The following SEMA3A variants were observed in gnomAD, a reference collection of about 807,000 sequenced individuals.
SEMA3A encodes semaphorin-3A.
In SEMA3A, 29 loss-of-function variants were observed where a neutral mutation model predicts 97.9. The observed-to-expected ratio is 0.30, with a 90% CI of 0.22 to 0.40. The LOEUF (loss-of-function observed/expected upper bound fraction) is 0.40, where lower values mean the gene tolerates loss of function less well. Ranked by LOEUF, SEMA3A falls within the 10% of genes least tolerant of loss-of-function variation. The pLI, the probability that SEMA3A is intolerant of heterozygous loss-of-function variation, is 1.00. For synonymous variants in SEMA3A, 321 were observed against 323.7 expected (o/e 0.99, Z 0.09); for missense variants, 763 against 951.3 (o/e 0.80, Z 2.60).
At chr7:84,336,457 G>A (rs1245483804) in intron 2 of SEMA3A, among the ~76,000 whole-genome samples, 4 of 152,118 alleles carry the variant, frequency 2.6e-5, no homozygotes, top group Non-Finnish European at 5.9e-5. Flanking sequence ...GCCTAAAATA[G>A]AGTATATACT....
chr7:83,986,316 G>C (rs1051749019), intron 12 of SEMA3A, among the ~76,000 whole-genome samples: 4 of 152,134 alleles, frequency 2.6e-5, no homozygotes, highest in African/African-American at 9.7e-5. Context: ...TCAGGTCTTT[G>C]CCAGAGAATA....
At chr7:84,081,368 G>C (rs1204925443) in intron 4 of SEMA3A, among the ~76,000 whole-genome samples, 5 of 151,988 alleles carry the variant, frequency 3.3e-5, no homozygotes, top group Non-Finnish European at 7.4e-5. Context: ...CAAGGAGGGC[G>C]GATCACGAGG....
chr7:84,472,339 G>A (rs988275205), intron 1 of SEMA3A, among the ~76,000 whole-genome samples: 9 of 152,168 alleles, frequency 5.9e-5, no homozygotes, highest in Non-Finnish European at 1.3e-4. Context: ...TGGGATGTGG[G>A]TTGGGACAAG....
intron 1 of SEMA3A, among the ~76,000 whole-genome samples, chr7:84,382,138 C>T (rs779995707): frequency 2.0e-5 from 3 of 152,024 alleles, no homozygotes; most frequent in Non-Finnish European, 2.9e-5. Context: ...GATGGAGTCT[C>T]GCTCTGTCGC....
At chr7:84,124,171 G>A (rs1415039025) in intron 3 of SEMA3A, among the ~76,000 whole-genome samples, 2 of 152,126 alleles carry the variant, frequency 1.3e-5, no homozygotes, top group East Asian at 3.9e-4. Flanking sequence ...CACTCTAAAA[G>A]TGCATAAGAT....
At chr7:84,392,072 T>C (rs1803595106) in intron 1 of SEMA3A, among the ~76,000 whole-genome samples, 1 of 152,158 alleles carries the variant, frequency 6.6e-6, no homozygotes, top group South Asian at 2.1e-4. Flanking sequence ...AACCTTTCCA[T>C]CACCCCAAAT....
At chr7:84,356,817 C>A (rs1802571775) in intron 2 of SEMA3A, among the ~76,000 whole-genome samples, 1 of 136,058 alleles carries the variant, frequency 7.3e-6, no homozygotes, top group African/African-American at 2.9e-5. Context: ...ACTATAAATA[C>A]AGAAAAAAAT....
chr7:84,084,789 TA>T (rs1191183319), intron 4 of SEMA3A, among the ~76,000 whole-genome samples: 1 of 152,122 alleles, frequency 6.6e-6, no homozygotes, highest in Non-Finnish European at 1.5e-5. Flanking sequence ...TTTGTGGTTT[TA>T]AAAAATCAGC....
chr7:84,239,564 CT>C (rs1175231172), intron 3 of SEMA3A, among the ~76,000 whole-genome samples: 1 of 152,102 alleles, frequency 6.6e-6, no homozygotes, highest in Non-Finnish European at 1.5e-5. Context: ...TTTAAAGCAT[CT>C]GGTTATCTTT....
intron 3 of SEMA3A, among the ~76,000 whole-genome samples, chr7:84,208,756 C>G (rs1798558633): frequency 6.6e-6 from 1 of 152,144 alleles, no homozygotes; most frequent in African/African-American, 2.4e-5. Flanking sequence ...TGACCCATTT[C>G]CTTATTCCAA....
chr7:84,132,778 C>A (rs1321033525), intron 2 of SEMA3A, among the ~76,000 whole-genome samples: 2 of 147,288 alleles, frequency 1.4e-5, no homozygotes, highest in Non-Finnish European at 3.0e-5. Flanking sequence ...CAGGTTCAAG[C>A]CAGTCTCTTG....
At chr7:84,045,750 C>T (rs1330621313) in intron 6 of SEMA3A, among the ~76,000 whole-genome samples, 1 of 151,758 alleles carries the variant, frequency 6.6e-6, no homozygotes, top group Non-Finnish European at 1.5e-5. Context: ...CTGTTCTAAA[C>T]AATCTTCTAC....
chr7:84,139,954 C>T (rs1233161794), intron 1 of SEMA3A, among the ~76,000 whole-genome samples: 1 of 151,586 alleles, frequency 6.6e-6, no homozygotes, highest in East Asian at 1.9e-4. Flanking sequence ...ACTTTTCCCC[C>T]CAAGAGTAAT....
At chr7:84,305,841 A>G (rs1801140667) in intron 3 of SEMA3A, among the ~76,000 whole-genome samples, 1 of 151,964 alleles carries the variant, frequency 6.6e-6, no homozygotes, top group South Asian at 2.1e-4. Context: ...ATGAAAAATA[A>G]CATCCAGGAA....
intron 2 of SEMA3A, among the ~76,000 whole-genome samples, chr7:84,356,577 A>C (rs1802567324): frequency 6.6e-6 from 1 of 151,772 alleles, no homozygotes. Flanking sequence ...GAATTCCATA[A>C]AGTAAAACCG....
At chr7:84,070,063 T>A (rs961475260) in intron 4 of SEMA3A, among the ~76,000 whole-genome samples, 1 of 152,156 alleles carries the variant, frequency 6.6e-6, no homozygotes, top group African/African-American at 2.4e-5. Flanking sequence ...GTAATAAGAC[T>A]GAAAATCCTA....
chr7:84,187,869 C>A (rs959425854), intron 1 of SEMA3A, among the ~76,000 whole-genome samples: 5 of 152,018 alleles, frequency 3.3e-5, no homozygotes, highest in African/African-American at 9.7e-5. Context: ...ATACTACATA[C>A]CCAGCCTTTA....
chr7:84,434,334 A>G (rs774920482), intron 1 of SEMA3A, among the ~76,000 whole-genome samples: 1 of 152,204 alleles, frequency 6.6e-6, no homozygotes. Flanking sequence ...AACCCTAAAT[A>G]GACCAATATT....
chr7:84,348,544 G>A (rs184023275), intron 2 of SEMA3A, among the ~76,000 whole-genome samples: 1 of 152,256 alleles, frequency 6.6e-6, no homozygotes, highest in East Asian at 1.9e-4. Flanking sequence ...GTAAAAGCCA[G>A]ACCCCTAAAG....
Sources: allele counts gnomAD v4.1 joint callset (sites outside exome capture counted in the v4.1 genomes callset), GRCh38; gene constraint gnomAD v4.1.1; transcripts MANE v1.5; gene names NCBI Gene and HGNC (gene_info 2026-07-23, HGNC 2026-07-21).